GPR39: variants seen among roughly 807,000 people sequenced by gnomAD.
GPR39 encodes the protein G protein-coupled receptor 39.
A neutral mutation model predicts 18.4 loss-of-function variants in GPR39; 23 were observed. The observed-to-expected ratio is 1.25, with a 90% confidence interval of 0.90 to 1.77. The LOEUF (loss-of-function observed/expected upper bound fraction) is 1.77. Among genes scored for constraint, GPR39 ranks in the 40% most tolerant of loss-of-function variants. GPR39 has a pLI of 0.00. For synonymous variants in GPR39, 280 were observed against 257.9 expected (o/e 1.09, Z -0.82); for missense variants, 647 against 602.4 (o/e 1.07, Z -0.78).
chr2:132,627,522 C>G (rs879865522), intron 1 of GPR39, among the ~76,000 whole-genome samples: 2 of 152,080 alleles, frequency 1.3e-5, no homozygotes, highest in Non-Finnish European at 2.9e-5. Flanking sequence ...ATTTTAGATT[C>G]CAGTCATCTT....
intron 1 of GPR39, among the ~76,000 whole-genome samples, chr2:132,560,513 C>T (rs1025582481): frequency 6.6e-6 from 1 of 152,236 alleles, no homozygotes. Context: ...TACCACCATT[C>T]TGCCTTCCCC....
intron 1 of GPR39, among the ~76,000 whole-genome samples, chr2:132,618,105 G>A (rs946910637): frequency 1.3e-5 from 2 of 152,128 alleles, no homozygotes. Flanking sequence ...ATTCTGTTGG[G>A]CCCCTTCCTG....
intron 1 of GPR39, among the ~76,000 whole-genome samples, chr2:132,634,794 G>A (rs1681718618): frequency 6.6e-6 from 1 of 152,176 alleles, no homozygotes; most frequent in South Asian, 2.1e-4. Flanking sequence ...ATAAGTGAAT[G>A]TCCTCTGATA....
rs540387462 is a variant in GPR39 at position 132,439,186 on chromosome 2, C to G, written c.856+21288C>G. ...AATTTGATTTAAAGCAGCAGTTAAA[C>G]TCGGAAAATCACAATGGTGTCAAGC... is the stretch of plus-strand genomic sequence containing the variant. On this transcript the variant is annotated intron_variant, in intron 1 of 1. Coordinates refer to ENST00000329321, the MANE Select transcript of GPR39 (RefSeq NM_001508.3). Among the ~76,000 whole-genome samples the G allele has an allele frequency of 5.9e-5, 9 of 152,292 alleles. No individual in the cohort carries two copies. The East Asian group carries it at 1.7e-3, about 29-fold the overall frequency.
rs560325721 is a variant in GPR39 at position 132,420,335 on chromosome 2, A to G, written c.856+2437A>G. Among the ~76,000 whole-genome samples, 10 of 152,310 alleles carry G rather than the reference A, an allele frequency of 6.6e-5. 1 individual carries two copies. In the South Asian group the frequency reaches 1.5e-3, roughly 22 times the overall value. ...AGCTTTTAAAAATAGGAACCTCACT[A>G]ATTAACTCAAGTTAGGAAATAAATT... On this transcript the variant is annotated intron_variant, in intron 1 of 1. Transcript: ENST00000329321.
intron 1 of GPR39, among the ~76,000 whole-genome samples, chr2:132,572,353 A>G (rs992606943): frequency 6.6e-6 from 1 of 152,002 alleles, no homozygotes; most frequent in East Asian, 1.9e-4. Context: ...AGAACTCTGG[A>G]CAAGTCCTGG....
At chr2:132,442,577 G>T (rs1680459744) in intron 1 of GPR39, among the ~76,000 whole-genome samples, 1 of 152,186 alleles carries the variant, frequency 6.6e-6, no homozygotes, top group Admixed American at 6.5e-5. Context: ...TCATGCCCCT[G>T]TGAAAGGCAG....
intron 1 of GPR39, among the ~76,000 whole-genome samples, chr2:132,473,015 G>T (rs1681061983): frequency 6.6e-6 from 1 of 151,926 alleles, no homozygotes; most frequent in Non-Finnish European, 1.5e-5. Context: ...GCAACATACA[G>T]GTCAAGTAGC....
At chr2:132,529,019 T>C (rs1297216349) in intron 1 of GPR39, among the ~76,000 whole-genome samples, 1 of 151,986 alleles carries the variant, frequency 6.6e-6, no homozygotes, top group Non-Finnish European at 1.5e-5. Context: ...AGACAGTGGG[T>C]GCAGGACAGT....
intron 1 of GPR39, among the ~76,000 whole-genome samples, chr2:132,434,463 T>C (rs1428015616): frequency 6.6e-6 from 1 of 152,190 alleles, no homozygotes; most frequent in African/African-American, 2.4e-5. Context: ...TTTAAAATTC[T>C]TTTAATATTG....
At chr2:132,521,997 C>T (rs1290799643) in intron 1 of GPR39, among the ~76,000 whole-genome samples, 4 of 152,168 alleles carry the variant, frequency 2.6e-5, no homozygotes, top group Admixed American at 2.0e-4. Flanking sequence ...TATGGCTTTT[C>T]CTCCCCTTCC....
At chr2:132,462,764 T>G (rs2104778038) in intron 1 of GPR39, among the ~76,000 whole-genome samples, 1 of 152,326 alleles carries the variant, frequency 6.6e-6, no homozygotes, top group African/African-American at 2.4e-5. Context: ...TCTCTCTGCC[T>G]TGGTTTCCTC....
At chr2:132,548,207 C>T (rs1219777328) in intron 1 of GPR39, among the ~76,000 whole-genome samples, 1 of 152,148 alleles carries the variant, frequency 6.6e-6, no homozygotes, top group African/African-American at 2.4e-5. Context: ...TTCAGCTGCC[C>T]AATTCAATTC....
At chr2:132,424,289 G>A (rs115018635) in intron 1 of GPR39, among the ~76,000 whole-genome samples, 3 of 152,128 alleles carry the variant, frequency 2.0e-5, no homozygotes, top group Non-Finnish European at 2.9e-5. Context: ...TTTTAACAAG[G>A]GGTCCTCAAG....
At chr2:132,486,330 T>A (rs62167445) in intron 1 of GPR39, among the ~76,000 whole-genome samples, 4,182 of 152,306 alleles carry the variant, frequency 0.027, 115 homozygotes, top group African/African-American at 0.07. Context: ...AACTTAAAAT[T>A]ACCAGCTGCA....
chr2:132,587,857 T>G (rs538839477), intron 1 of GPR39, among the ~76,000 whole-genome samples: 2 of 152,326 alleles, frequency 1.3e-5, no homozygotes, highest in African/African-American at 4.8e-5. Context: ...TAATATATGT[T>G]AAAGTAAGTT....
At chr2:132,429,431 A>G (rs1680185817) in intron 1 of GPR39, among the ~76,000 whole-genome samples, 1 of 152,206 alleles carries the variant, frequency 6.6e-6, no homozygotes, top group South Asian at 2.1e-4. Flanking sequence ...ATCTCTGGGA[A>G]ATTTCCATCT....
chr2:132,426,404 C>T (rs192920358), intron 1 of GPR39, among the ~76,000 whole-genome samples: 2 of 152,310 alleles, frequency 1.3e-5, no homozygotes, highest in African/African-American at 2.4e-5. Context: ...AATTATCATC[C>T]TTTTGGTAGC....
chr2:132,597,116 G>A (rs1269408159), intron 1 of GPR39, among the ~76,000 whole-genome samples: 4 of 152,154 alleles, frequency 2.6e-5, no homozygotes, highest in Admixed American at 6.5e-5. Context: ...ACTGGGATGG[G>A]ATCTAAGCTA....
Sources: gnomAD v4.1 joint callset for allele counts (sites outside exome capture counted in the v4.1 genomes callset) on GRCh38, gnomAD v4.1.1 for gene constraint, MANE v1.5 for transcripts, NCBI Gene and HGNC (gene_info 2026-07-23, HGNC 2026-07-21) for gene names.